PSME3IP1: variants seen among roughly 807,000 people sequenced by gnomAD.
PSME3IP1 encodes PSME3-interacting protein.
Under a neutral mutation model 34.1 loss-of-function variants are expected in PSME3IP1, and 13 were observed. The observed-to-expected ratio is 0.38, with a 90% CI of 0.25 to 0.61. PSME3IP1 has a LOEUF of 0.61. Among genes scored for constraint, PSME3IP1 ranks in the 20% least tolerant of loss-of-function variants. PSME3IP1 has a pLI of 0.60. For missense variants in PSME3IP1, 237 were observed against 301.4 expected (o/e 0.79, Z 1.58); for synonymous variants, 93 against 114.3 (o/e 0.81, Z 1.19).
At position 57,185,867 on chromosome 16, in the gene PSME3IP1, C is replaced by G. The variant is rs150131565; in HGVS notation, c.-62G>C. ...GACGACCTCACCTCGGCGGCGCCCA[C>G]CCCAAACCGCCACCGCAGAGCCGCT... On this transcript the variant is annotated 5_prime_UTR_variant, in exon 1 of 7. Coordinates refer to ENST00000309137, the MANE Select transcript of PSME3IP1 (RefSeq NM_024946.4). The G allele has an allele frequency of 0.016, 15,992 of 984,816 alleles. 211 individuals carry two copies. The highest frequency in any genetic ancestry group is 0.029 in the Middle Eastern group (55 of 1,916). 61.0% of individuals were successfully genotyped at this position (984,816 alleles called of 1,614,324 possible). A position where few individuals can be genotyped will look rare whatever the true frequency, so the allele number is the denominator to read the frequency against.
rs199960840 is a variant in PSME3IP1 at position 57,154,247 on chromosome 16, G to A, written c.*43C>T. The A allele has an allele frequency of 9.6e-5, 152 of 1,580,592 alleles. 1 individual carries two copies. In the Middle Eastern group the frequency reaches 1.2e-3, roughly 12 times the overall value. ...TGCCTATAGGCAGCATGAACGGTCCGATCTACCCTTGGGGAGGAGCTCCCT... is the reference window on the plus strand; with the variant it reads ...TGCCTATAGGCAGCATGAACGGTCCAATCTACCCTTGGGGAGGAGCTCCCT... On this transcript the variant is annotated 3_prime_UTR_variant, in exon 7 of 7. Coordinates refer to ENST00000309137, the MANE Select transcript of PSME3IP1 (RefSeq NM_024946.4). This position sits in a 1 kb window ranked among gnomAD's most constrained non-coding sequence, Gnocchi z 4.0.
chr16:57,165,154 T>C (rs745417899), intron 5 of PSME3IP1, among the ~76,000 whole-genome samples: 12 of 134,362 alleles, frequency 8.9e-5, no homozygotes, highest in African/African-American at 1.3e-4. Flanking sequence ...AAGACACTGT[T>C]ATATATATAT....
intron 6 of PSME3IP1, among the ~76,000 whole-genome samples, chr16:57,157,550 G>A (rs2070701960): frequency 6.6e-6 from 1 of 151,958 alleles, no homozygotes; most frequent in Non-Finnish European, 1.5e-5. Flanking sequence ...TGAGTGGCTG[G>A]AAAATGGGGG....
chr16:57,174,293 C>CA (rs112755174), intron 1 of PSME3IP1: 44,775 of 267,630 alleles, frequency 0.17, 528 homozygotes, highest in Middle Eastern at 0.25. Flanking sequence ...GATTCTGTCT[C>CA]AAAAAAAAAA....
chr16:57,172,073 C>A (rs1332141022), intron 4 of PSME3IP1, among the ~76,000 whole-genome samples, 178 bp downstream of exon 4: 2 of 152,138 alleles, frequency 1.3e-5, no homozygotes, highest in Non-Finnish European at 2.9e-5. Flanking sequence ...CTCTTGCACA[C>A]AACACAAACT....
intron 4 of PSME3IP1, among the ~76,000 whole-genome samples, chr16:57,171,633 T>C (rs530432229): frequency 2.6e-5 from 4 of 152,314 alleles, no homozygotes; most frequent in Admixed American, 6.5e-5. Context: ...CCCAGGCACC[T>C]GGAGGCATAG....
At chr16:57,181,044 C>T (rs988510914) in intron 1 of PSME3IP1, among the ~76,000 whole-genome samples, 2 of 150,634 alleles carry the variant, frequency 1.3e-5, no homozygotes, top group Admixed American at 6.6e-5. Flanking sequence ...CCTTGCCTGG[C>T]GAGGGGGAAA....
At chr16:57,185,577 C>T (rs2074102650) in intron 1 of PSME3IP1, 3 of 985,582 alleles carry the variant, frequency 3.0e-6, no homozygotes, top group Non-Finnish European at 3.6e-6. Context: ...CCATTAAACG[C>T]CCGGCAGTGT....
At chr16:57,162,958 A>G (rs192489779) in intron 6 of PSME3IP1, among the ~76,000 whole-genome samples, 1 of 152,244 alleles carries the variant, frequency 6.6e-6, no homozygotes, top group African/African-American at 2.4e-5. Context: ...TGAGGTCAGG[A>G]GTGCAAGACC....
intron 1 of PSME3IP1, among the ~76,000 whole-genome samples, chr16:57,176,369 T>C (rs1163549880): frequency 6.6e-6 from 1 of 152,202 alleles, no homozygotes; most frequent in Non-Finnish European, 1.5e-5. Context: ...ATAGTCCTTA[T>C]AGCCCACCTA....
At chr16:57,164,538 C>A (rs1422556124) in intron 5 of PSME3IP1, among the ~76,000 whole-genome samples, 1 of 152,250 alleles carries the variant, frequency 6.6e-6, no homozygotes, top group African/African-American at 2.4e-5. Flanking sequence ...AAGGAAGGGA[C>A]CCCAGAAGGA....
At chr16:57,162,722 GA>G (rs531120357) in intron 6 of PSME3IP1, among the ~76,000 whole-genome samples, 1,428 of 134,870 alleles carry the variant, frequency 0.011, 20 homozygotes, top group African/African-American at 0.036. Context: ...ACCTTACAAA[GA>G]AAAAAAAAAA....
At chr16:57,177,060 G>A (rs749618350) in intron 1 of PSME3IP1, among the ~76,000 whole-genome samples, 8 of 151,992 alleles carry the variant, frequency 5.3e-5, no homozygotes, top group Non-Finnish European at 1.2e-4. Flanking sequence ...TCATTATGTT[G>A]GCCAGGCTGG....
rs1481598395 is a variant in PSME3IP1, at chr16:57,153,509, A to C, written c.*781T>G. ...TCTGATGTCTGGCTATTAGTAAACA[A>C]GGCCTACGTTTGTTTCTCTAAAATT... On this transcript the variant is annotated 3_prime_UTR_variant, in exon 7 of 7. Transcript: ENST00000309137. 6.6e-6 allele frequency: 1 copy of C among 152,238 alleles called. No homozygotes were observed. Among genetic ancestry groups the C allele is most frequent in the African/African-American group, 2.4e-5 (1 of 41,462 alleles). 9.4% of individuals were successfully genotyped at this position (152,238 alleles called of 1,614,324 possible).
intron 6 of PSME3IP1, among the ~76,000 whole-genome samples, chr16:57,163,608 C>T (rs2071525853): frequency 6.6e-6 from 1 of 152,166 alleles, no homozygotes; most frequent in Admixed American, 6.5e-5. Context: ...CAATCCAGTA[C>T]AACAATGAGC....
Position 57,153,610 on chromosome 16 carries a change from G to A in PSME3IP1, c.*680C>T, listed in dbSNP as rs2070167856. 1 of 152,324 alleles carries A rather than the reference G, an allele frequency of 6.6e-6. No homozygotes were observed. The highest frequency in any genetic ancestry group is 1.9e-4 in the East Asian group (1 of 5,188). 9.4% of individuals were successfully genotyped at this position (152,324 alleles called of 1,614,324 possible). A position where few individuals can be genotyped will look rare whatever the true frequency, so the allele number is the denominator to read the frequency against. On this transcript the variant is annotated 3_prime_UTR_variant, in exon 7 of 7. Transcript: ENST00000309137. Reference sequence around the variant, plus strand: ...CCCAGGCAGAGAAAAGGTTTGAGATGGAAGCGTTCTTGTTAGCAGTCCCTT... The same window carrying A: ...CCCAGGCAGAGAAAAGGTTTGAGATAGAAGCGTTCTTGTTAGCAGTCCCTT...
chr16:57,172,170 C>A, intron 4 of PSME3IP1, 81 bp downstream of exon 4: 4 of 1,481,110 alleles, frequency 2.7e-6, no homozygotes, highest in Non-Finnish European at 3.7e-6. Context: ...AACCCTCTTT[C>A]TGTTGATGAG....
Position 57,159,121 on chromosome 16 carries a change from A to G in PSME3IP1, c.548-4614T>C, listed in dbSNP as rs148414436. Among the ~76,000 whole-genome samples the G allele has an allele frequency of 8.4e-4, 128 of 152,368 alleles. 1 individual carries two copies. Among genetic ancestry groups the G allele is most frequent in the African/African-American group, 2.8e-3 (117 of 41,592 alleles). ...TGAAAGTCAGAGTGCCTGTGGGGGT[A>G]GAGAACTGGCCTAACGGAAGAATGG... On this transcript the variant is annotated intron_variant, in intron 6 of 6. Coordinates refer to ENST00000309137, the MANE Select transcript of PSME3IP1 (RefSeq NM_024946.4).
intron 1 of PSME3IP1, 175 bp downstream of exon 1, chr16:57,185,646 G>A: frequency 1.0e-6 from 1 of 985,540 alleles, no homozygotes; most frequent in Non-Finnish European, 1.2e-6. Context: ...GGCACCCTCA[G>A]CTCCCCTCAG....
Sources: gnomAD v4.1 joint callset for allele counts (sites outside exome capture counted in the v4.1 genomes callset) on GRCh38, gnomAD v4.1.1 for gene constraint, Gnocchi (gnomAD v3.1) non-coding constraint, MANE v1.5 for transcripts, NCBI Gene and HGNC (gene_info 2026-07-23, HGNC 2026-07-21) for gene names.